Variants in GDA observed in about 807,000 individuals in gnomAD.
GDA encodes cytoplasmic PSD-95 interactor.
In GDA, 18 loss-of-function variants were observed where a neutral mutation model predicts 59.6. The observed-to-expected ratio is 0.30, with a 90% CI of 0.21 to 0.45. GDA has a LOEUF of 0.45. Ranked by LOEUF, GDA falls within the 20% of genes least tolerant of loss-of-function variation. The pLI is 1.00. For missense variants in GDA, 427 were observed against 552.3 expected (o/e 0.77, Z 2.27); for synonymous variants, 201 against 201.1 (o/e 1.00, Z 0.00).
chr9:72,234,216 A>G (rs934211088), intron 10 of GDA, among the ~76,000 whole-genome samples: 2 of 152,184 alleles, frequency 1.3e-5, no homozygotes, highest in Admixed American at 1.3e-4. Flanking sequence ...ACTAACTGAT[A>G]TTGGTAGAAA....
At chr9:72,137,428 T>G (rs1249426410) in intron 1 of GDA, among the ~76,000 whole-genome samples, 1 of 151,860 alleles carries the variant, frequency 6.6e-6, no homozygotes, top group African/African-American at 2.4e-5. Context: ...TTTGTATTTT[T>G]AGTAGAGATG....
intron 3 of GDA, among the ~76,000 whole-genome samples, chr9:72,209,829 A>G (rs1198594668): frequency 1.3e-5 from 2 of 152,162 alleles, no homozygotes; most frequent in African/African-American, 4.8e-5. Flanking sequence ...TCTCTAGAAA[A>G]TAATCGTTTA....
upstream of GDA, among the ~76,000 whole-genome samples, chr9:72,144,481 A>G (rs1345652678): frequency 6.6e-6 from 1 of 152,226 alleles, no homozygotes; most frequent in African/African-American, 2.4e-5. Context: ...TTAGTTCCAT[A>G]TAGGTAAGAC....
chr9:72,219,441 T>C lies in GDA; in HGVS notation c.579-38T>C, dbSNP rs374441675. 3.4e-6 allele frequency: 5 copies of C among 1,459,666 alleles called. No homozygotes were observed. In the African/African-American group the frequency reaches 7.1e-5, roughly 21 times the overall value. The allele number at this position is 1,459,666 out of a possible 1,614,324, so 90.4% of individuals were successfully genotyped here. A position where few individuals can be genotyped will look rare whatever the true frequency, so the allele number is the denominator to read the frequency against. ...TAATAAAGAAAAGAAAAAAAGAAAA[T>C]GCTCAAGTTTTCTAACCCATTTGTT... is the stretch of plus-strand genomic sequence containing the variant. On this transcript the variant is annotated intron_variant, in intron 5 of 13. Coordinates refer to ENST00000358399, the MANE Select transcript of GDA (RefSeq NM_004293.5).
chr9:72,254,623 T>C (rs541523860), downstream of GDA, among the ~76,000 whole-genome samples: 4 of 152,264 alleles, frequency 2.6e-5, no homozygotes, highest in East Asian at 7.7e-4. Context: ...CCCTGGAAGA[T>C]GGTTATTTGG....
At chr9:72,163,763 A>T (rs1031316574) in intron 1 of GDA, among the ~76,000 whole-genome samples, 5 of 152,220 alleles carry the variant, frequency 3.3e-5, no homozygotes, top group African/African-American at 1.2e-4. Context: ...AAGTGCTGGG[A>T]TTACAGGCGT....
intron 1 of GDA, among the ~76,000 whole-genome samples, chr9:72,150,808 C>G (rs1275846142): frequency 6.6e-6 from 1 of 152,116 alleles, no homozygotes; most frequent in African/African-American, 2.4e-5. Flanking sequence ...GTTCAGGGAG[C>G]CTGCTGTTGT....
rs144191838 is a variant in GDA at position 72,139,378 on chromosome 9, G to A, written c.-100+24545G>A. 6.2e-3 allele frequency among the ~76,000 whole-genome samples: 938 copies of A among 152,318 alleles called. 4 individuals carry two copies. Among genetic ancestry groups the A allele is most frequent in the Non-Finnish European group, 9.7e-3 (660 of 68,032 alleles). ...AAATGTCCCATACTGGGAAATGACC[G>A]TAATTAGCTAAAAGGAAGTACATTC... On this transcript the variant is annotated intron_variant, in intron 1 of 13. Coordinates refer to the GDA transcript ENST00000545168.
intron 1 of GDA, among the ~76,000 whole-genome samples, chr9:72,141,339 A>G (rs1016944282): frequency 2.2e-4 from 33 of 152,322 alleles, no homozygotes; most frequent in Non-Finnish European, 7.3e-5. Flanking sequence ...TATATATAAT[A>G]TTAAAAATCA....
chr9:72,141,730 A>T (rs1826448722), intron 1 of GDA, among the ~76,000 whole-genome samples: 1 of 152,234 alleles, frequency 6.6e-6, no homozygotes, highest in Non-Finnish European at 1.5e-5. Context: ...ATCCACGGTC[A>T]GCTCAAACCA....
intron 5 of GDA, among the ~76,000 whole-genome samples, chr9:72,215,997 A>G (rs1202572382): frequency 2.0e-5 from 3 of 152,342 alleles, no homozygotes; most frequent in African/African-American, 7.2e-5. Flanking sequence ...CACCACTTGC[A>G]TGAATCTGGT....
intron 10 of GDA, among the ~76,000 whole-genome samples, chr9:72,233,463 T>G (rs1838591668): frequency 6.6e-6 from 1 of 152,056 alleles, no homozygotes. Context: ...GGAAGAAAAC[T>G]GAAAAAAATC....
intron 10 of GDA, among the ~76,000 whole-genome samples, chr9:72,236,374 G>A (rs182716715): frequency 1.5e-3 from 233 of 152,234 alleles, no homozygotes; most frequent in African/African-American, 5.2e-3. Flanking sequence ...CTTTTTCCAA[G>A]ACAGCGTTTT....
intron 1 of GDA, among the ~76,000 whole-genome samples, chr9:72,121,357 G>A (rs780533137): frequency 2.0e-5 from 3 of 152,156 alleles, no homozygotes; most frequent in Non-Finnish European, 4.4e-5. Context: ...CAGCACTTTG[G>A]GAAGCCAAAG....
chr9:72,229,111 G>C (rs554547322), intron 9 of GDA: 17 of 150,492 alleles, frequency 1.1e-4, no homozygotes, highest in African/African-American at 4.2e-4. Flanking sequence ...CAAGGTGGGC[G>C]GATCACGAGG....
At chr9:72,145,835 A>T (rs1826608268), upstream of GDA, among the ~76,000 whole-genome samples, 1 of 152,206 alleles carries the variant, frequency 6.6e-6, no homozygotes, top group African/African-American at 2.4e-5. Context: ...GTCCCAATGA[A>T]TTGTTCACCA....
intron 1 of GDA, among the ~76,000 whole-genome samples, chr9:72,171,233 T>C (rs1291061303): frequency 6.6e-6 from 1 of 152,278 alleles, no homozygotes; most frequent in Non-Finnish European, 1.5e-5. Flanking sequence ...GACCTTGCTA[T>C]AGCAACAACT....
At chr9:72,224,616 C>T (rs1047974979) in intron 7 of GDA, among the ~76,000 whole-genome samples, 4 of 152,072 alleles carry the variant, frequency 2.6e-5, no homozygotes, top group African/African-American at 9.7e-5. Context: ...TATTTTCAAA[C>T]TCTTTTTTGG....
chr9:72,200,696 A>G (rs1181279568), intron 2 of GDA, among the ~76,000 whole-genome samples: 2 of 152,250 alleles, frequency 1.3e-5, no homozygotes, highest in African/African-American at 4.8e-5. Context: ...AAGGACTGAC[A>G]TTGTAGAGAG....
Sources: gnomAD v4.1 joint callset for allele counts (sites outside exome capture counted in the v4.1 genomes callset) on GRCh38, gnomAD v4.1.1 for gene constraint, MANE v1.5 for transcripts, NCBI Gene and HGNC (gene_info 2026-07-23, HGNC 2026-07-21) for gene names.